CCP110: variants seen among roughly 807,000 people sequenced by gnomAD.
CCP110 encodes centriolar coiled-coil protein 110.
CCP110 carries 43 observed loss-of-function variants against 105.5 expected under a neutral mutation model. The ratio of observed to expected loss-of-function variants is 0.41; its 90% CI spans 0.32 to 0.53. The LOEUF (loss-of-function observed/expected upper bound fraction) is 0.53, where lower values mean the gene tolerates loss of function less well. Among genes scored for constraint, CCP110 ranks in the 20% least tolerant of loss-of-function variants. The pLI is 0.32. For synonymous variants in CCP110, 353 were observed against 392.1 expected (o/e 0.90, Z 1.18); for missense variants, 1,016 against 1,189.1 (o/e 0.85, Z 2.14).
exon 3 of CCP110, chr16:19,532,486 A>C (rs751344225): frequency 9.9e-6 from 16 of 1,611,148 alleles, no homozygotes; most frequent in Non-Finnish European, 1.4e-5. Flanking sequence ...GCAAGAAAGC[A>C]GGTTAACAGG....
At chr16:19,534,872 C>CTTTT (rs35522152) in intron 3 of CCP110, among the ~76,000 whole-genome samples, 21 of 100,534 alleles carry the variant, frequency 2.1e-4, no homozygotes, top group Non-Finnish European at 2.3e-4. Flanking sequence ...AATATTCAGA[C>CTTTT]TTTTTTTTTT....
At chr16:19,538,048 G>T (rs1359990412) in intron 4 of CCP110, among the ~76,000 whole-genome samples, 8 of 152,136 alleles carry the variant, frequency 5.3e-5, no homozygotes, top group Non-Finnish European at 8.8e-5. Context: ...ACAGGCGTGA[G>T]CCACGACACC....
At position 19,545,200 on chromosome 16, in the gene CCP110, TC is replaced by T. The variant is rs763536892; in HGVS notation, c.2694del (p.Arg899GlyfsTer6). The T allele has an allele frequency of 1.1e-5, 18 of 1,570,142 alleles. No individual in the cohort carries two copies. The highest frequency in any genetic ancestry group is 1.6e-5 in the Non-Finnish European group (18 of 1,142,980). On this transcript the variant is annotated frameshift_variant, in exon 10 of 15. Coordinates refer to ENST00000381396, the Ensembl canonical transcript of CCP110. LOFTEE classifies it high-confidence loss of function. ...CGAGAAGTTCGCAAAGAGAAAATGCTCAGGCAAATGGTATGTTATATGATTT... is the reference window on the plus strand; with the variant it reads ...CGAGAAGTTCGCAAAGAGAAAATGCTAGGCAAATGGTATGTTATATGATTT...
At chr16:19,531,016 A>G (rs1969848756) in intron 2 of CCP110, among the ~76,000 whole-genome samples, 1 of 152,178 alleles carries the variant, frequency 6.6e-6, no homozygotes, top group Non-Finnish European at 1.5e-5. Flanking sequence ...GCCCTCTATT[A>G]GTGATGTTTA....
At chr16:19,542,664 C>G (rs375415222) in exon 7 of CCP110, 2 of 1,613,006 alleles carry the variant, frequency 1.2e-6, no homozygotes, top group South Asian at 1.1e-5. Context: ...TTTCTGCAAA[C>G]GAAGCACCAT....
chr16:19,532,100 C>A (rs1204457588), intron 2 of CCP110, among the ~76,000 whole-genome samples: 4 of 152,056 alleles, frequency 2.6e-5, no homozygotes, highest in African/African-American at 7.2e-5. Context: ...GATTAGTGAA[C>A]AAACTTTTTT....
chr16:19,530,798 A>G (rs1458585165), intron 2 of CCP110, among the ~76,000 whole-genome samples: 1 of 152,186 alleles, frequency 6.6e-6, no homozygotes, highest in East Asian at 1.9e-4. Context: ...TACTAAAAAT[A>G]TAAAAATTAG....
exon 5 of CCP110, chr16:19,540,728 G>A (rs746844150): frequency 1.2e-5 from 19 of 1,613,268 alleles, no homozygotes; most frequent in South Asian, 4.4e-5. Flanking sequence ...AGAACAGCAC[G>A]CCCAGCAATT....
At chr16:19,551,307 C>A in exon 15 of CCP110, 1 of 1,347,720 alleles carries the variant, frequency 7.4e-7, no homozygotes, top group South Asian at 1.2e-5. Context: ...GTTATTTTCC[C>A]TGCCCAAGAC....
At chr16:19,550,103 A>G (rs539948212) in intron 14 of CCP110, among the ~76,000 whole-genome samples, 1 of 152,214 alleles carries the variant, frequency 6.6e-6, no homozygotes, top group African/African-American at 2.4e-5. Flanking sequence ...CTAAAGATTT[A>G]CTTATACATG....
intron 8 of CCP110, 119 bp from the exon 9 acceptor site, chr16:19,544,678 C>T (rs1248871526): frequency 4.7e-6 from 3 of 639,114 alleles, no homozygotes; most frequent in South Asian, 2.0e-5. Flanking sequence ...GAACCAGTCC[C>T]CCACAGATAC....
At chr16:19,537,899 A>T (rs552405049) in intron 4 of CCP110, among the ~76,000 whole-genome samples, 2 of 152,166 alleles carry the variant, frequency 1.3e-5, no homozygotes, top group South Asian at 2.1e-4. Context: ...CTGGGACTAC[A>T]GGCTCATGCC....
chr16:19,553,232 T>A (rs1970697310), exon 15 of CCP110: 1 of 152,232 alleles, frequency 6.6e-6, no homozygotes, highest in South Asian at 2.1e-4. Context: ...CTTCTTCTCA[T>A]ACAGGTGCCA....
rs1001011082 is a variant in CCP110, at chr16:19,548,593, T to C, written c.2979T>C (p.Pro993=). Residue 993 remains proline, a synonymous_variant, in exon 14 of 15, where the codon CCT becomes CCC. Coordinates refer to ENST00000381396, the Ensembl canonical transcript of CCP110. This position sits in a 1 kb window ranked among gnomAD's most constrained non-coding sequence, Gnocchi z 4.1. ...AGAGCAGAGTGCCTAACAGAGTGCC[T>C]GTTTCAGGTTTGTAGAAAATAAATT... is the stretch of plus-strand genomic sequence containing the variant. 4 of 1,545,894 alleles carry C rather than the reference T, an allele frequency of 2.6e-6. No homozygotes were observed. Among genetic ancestry groups the C allele is most frequent in the Non-Finnish European group, 3.5e-6 (4 of 1,143,586 alleles).
chr16:19,542,141 A>G (rs899287424), intron 6 of CCP110, 77 bp downstream of exon 6: 25 of 973,472 alleles, frequency 2.6e-5, no homozygotes, highest in African/African-American at 2.0e-4. Flanking sequence ...CTATAAGATT[A>G]TATCTCCTGT....
Position 19,551,118 on chromosome 16 carries a change from A to C in CCP110, c.2987-78A>C, listed in dbSNP as rs1970623965. ...TATTGCCTAGCTCAGTGTTTGTTCCAGAGTAAAAACTCATTAAATGGTATC... is the reference window on the plus strand; with the variant it reads ...TATTGCCTAGCTCAGTGTTTGTTCCCGAGTAAAAACTCATTAAATGGTATC... On this transcript the variant is annotated intron_variant, in intron 14 of 14. Transcript: ENST00000381396. 4.7e-6 allele frequency: 4 copies of C among 843,372 alleles called. No homozygotes were observed. In the Admixed American group the frequency reaches 5.3e-5, roughly 11 times the overall value. The allele number at this position is 843,372 out of a possible 1,614,324, so 52.2% of individuals were successfully genotyped here.
At chr16:19,532,854 G>T (rs1057472976) in intron 3 of CCP110, among the ~76,000 whole-genome samples, 1 of 152,156 alleles carries the variant, frequency 6.6e-6, no homozygotes, top group African/African-American at 2.4e-5. Context: ...ACAGAATTGG[G>T]TATTATTGTT....
rs746021450 is a variant in CCP110, at chr16:19,542,980, C to T, written c.2470C>T (p.Arg824Ter). Reference sequence around the variant, plus strand: ...GCAGACAGATAAGCTGAAGCAACTTCGACAAACTGTAAAAGTAAGATTCCT... The same window carrying T: ...GCAGACAGATAAGCTGAAGCAACTTTGACAAACTGTAAAAGTAAGATTCCT... Residue 824 changes from arginine (R) to a stop codon, truncating the protein, a stop_gained, in exon 8 of 15, where the codon CGA (arginine) becomes TGA (stop). Coordinates refer to ENST00000381396, the Ensembl canonical transcript of CCP110. LOFTEE classifies it high-confidence loss of function. The T allele has an allele frequency of 1.9e-5, 30 of 1,567,390 alleles. No homozygotes were observed. The highest frequency in any genetic ancestry group is 2.4e-5 in the Non-Finnish European group (27 of 1,139,174).
intron 2 of CCP110, among the ~76,000 whole-genome samples, chr16:19,529,381 TAATTG>T (rs1725561513): frequency 6.6e-6 from 1 of 152,254 alleles, no homozygotes; most frequent in South Asian, 2.1e-4. Context: ...TAATTTTAAT[TAATTG>T]AATTGAATTT....
Sources: allele counts gnomAD v4.1 joint callset (sites outside exome capture counted in the v4.1 genomes callset), GRCh38; gene constraint gnomAD v4.1.1; non-coding constraint Gnocchi (gnomAD v3.1); transcripts MANE v1.5; gene names NCBI Gene and HGNC (gene_info 2026-07-23, HGNC 2026-07-21).